Variants in DNAJC6 observed in about 807,000 individuals in gnomAD.
DNAJC6 encodes the protein auxilin.
Under a neutral mutation model 110.0 loss-of-function variants are expected in DNAJC6, and 34 were observed. The observed-to-expected ratio is 0.31, with a 90% CI of 0.24 to 0.41. The LOEUF is 0.41. Ranked by LOEUF, DNAJC6 falls within the 10% of genes least tolerant of loss-of-function variation. DNAJC6 has a pLI of 1.00. For synonymous variants in DNAJC6, 406 were observed against 437.2 expected, an observed-to-expected ratio of 0.93 and a Z score of 0.89; for missense variants, 1,031 against 1,207.8, an observed-to-expected ratio of 0.85 and a Z score of 2.17.
intron 4 of DNAJC6, among the ~76,000 whole-genome samples, chr1:65,373,822 T>G (rs993070192): frequency 6.6e-6 from 1 of 152,150 alleles, no homozygotes; most frequent in Admixed American, 6.5e-5. Flanking sequence ...TTTGGTTGTG[T>G]GTGCTTTTGA....
chr1:65,317,000 C>A (rs1645154847), intron 1 of DNAJC6, among the ~76,000 whole-genome samples: 1 of 151,856 alleles, frequency 6.6e-6, no homozygotes, highest in Non-Finnish European at 1.5e-5. Context: ...AGATGACTTT[C>A]ATCTATAGAT....
chr1:65,365,779 C>A, intron 2 of DNAJC6, 106 bp from the exon 3 acceptor site: 1 of 1,256,074 alleles, frequency 8.0e-7, no homozygotes, highest in Non-Finnish European at 1.1e-6. Context: ...CGAAACATGC[C>A]CCCTGGACAG....
chr1:65,287,857 GCCT>G (rs1236397087), intron 1 of DNAJC6, among the ~76,000 whole-genome samples: 1 of 152,122 alleles, frequency 6.6e-6, no homozygotes, highest in East Asian at 1.9e-4. Flanking sequence ...GCTTGCCTTG[GCCT>G]CCTAAAGTGT....
At chr1:65,276,580 T>C (rs80279152) in intron 1 of DNAJC6, among the ~76,000 whole-genome samples, 2,157 of 152,242 alleles carry the variant, frequency 0.014, 47 homozygotes, top group African/African-American at 0.05. Context: ...GAGATGTTTC[T>C]CACCACCCCT....
chr1:65,384,170 A>G, intron 5 of DNAJC6, 23 bp from the exon 6 acceptor site: 1 of 1,441,816 alleles, frequency 6.9e-7, no homozygotes, highest in East Asian at 2.7e-5. Context: ...GTTCATAATG[A>G]TTTTATGCAT....
Position 65,389,353 on chromosome 1 carries a change from T to C in DNAJC6, c.1291T>C (p.Leu431=), listed in dbSNP as rs1303960619. The change falls in exon 10 of 19, where the codon TTA becomes CTA. Residue 431 remains leucine (L), a synonymous_variant. Transcript: ENST00000371069. ...ELQPHDKVID[L]TPPWEHYCTK... ...ACAGCCCCATGACAAAGTAATAGACTTAACTCCACCATGGGAACATTACTG... is the reference window on the plus strand; with the variant it reads ...ACAGCCCCATGACAAAGTAATAGACCTAACTCCACCATGGGAACATTACTG... 1.9e-6 allele frequency: 3 copies of C among 1,614,174 alleles called. No individual in the cohort carries two copies. The East Asian group carries it at 6.7e-5, about 36-fold the overall frequency.
At chr1:65,281,959 C>T (rs958329883) in intron 1 of DNAJC6, among the ~76,000 whole-genome samples, 14 of 152,092 alleles carry the variant, frequency 9.2e-5, no homozygotes, top group Admixed American at 6.5e-4. Flanking sequence ...CAGAGTCTGG[C>T]CCAGTCACCA....
At position 65,392,771 on chromosome 1, in the gene DNAJC6, T is replaced by C. The variant is rs1313036183; in HGVS notation, c.1809T>C (p.Asp603=). 2 of 1,611,508 alleles carry C rather than the reference T, an allele frequency of 1.2e-6. No individual in the cohort carries two copies. Among genetic ancestry groups the C allele is most frequent in the East Asian group, 4.5e-5 (2 of 44,850 alleles). The change falls in exon 12 of 19, where the codon GAT becomes GAC. Residue 603 remains aspartate (D), a synonymous_variant. Transcript: ENST00000371069. The part of the protein sequence containing the change: ...PTQAGQSGVE[D]VFHPSGPAST... ...AGGCTGGACAGTCAGGAGTGGAAGA[T>C]GTGTTTCATCCTAGTGGACCTGCGT...
intron 1 of DNAJC6, among the ~76,000 whole-genome samples, chr1:65,345,053 C>T (rs925586823): frequency 6.6e-6 from 1 of 152,146 alleles, no homozygotes; most frequent in African/African-American, 2.4e-5. Flanking sequence ...ATGTAACAGA[C>T]AGTGAGTGGG....
intron 1 of DNAJC6, among the ~76,000 whole-genome samples, chr1:65,289,093 A>G (rs766092619): frequency 3.9e-5 from 6 of 152,198 alleles, no homozygotes; most frequent in Non-Finnish European, 7.3e-5. Context: ...ATACTGCCAA[A>G]CAGTTTTACA....
chr1:65,369,823 T>C (rs1470053399), intron 4 of DNAJC6, among the ~76,000 whole-genome samples: 1 of 152,214 alleles, frequency 6.6e-6, no homozygotes, highest in South Asian at 2.1e-4. Context: ...AGAAGCCACA[T>C]TGGTTGACAG....
chr1:65,307,567 C>A (rs1293358246), upstream of DNAJC6, among the ~76,000 whole-genome samples: 3 of 152,112 alleles, frequency 2.0e-5, no homozygotes, highest in Admixed American at 2.0e-4. Context: ...CAGTCTGTCA[C>A]TGAGGCTGGT....
chr1:65,285,645 T>C (rs1653992678), intron 1 of DNAJC6, among the ~76,000 whole-genome samples: 1 of 152,156 alleles, frequency 6.6e-6, no homozygotes, highest in South Asian at 2.1e-4. Context: ...TGATTGTTTT[T>C]TCATTTTCAG....
Position 65,413,340 on chromosome 1 carries a change from CCAT to C in DNAJC6, c.*316_*318del. On this transcript the variant is annotated 3_prime_UTR_variant, in exon 19 of 19. Coordinates refer to ENST00000371069, the MANE Select transcript of DNAJC6 (RefSeq NM_001256864.2). Reference sequence around the variant, plus strand: ...GGAAATGGAAAACAGAGGCCACCACCCATGAAGGCATAACACCCATCACATTGT... The same window carrying C: ...GGAAATGGAAAACAGAGGCCACCACCGAAGGCATAACACCCATCACATTGT... The C allele has an allele frequency of 2.6e-5, 7 of 264,362 alleles. No individual in the cohort carries two copies. Among genetic ancestry groups the C allele is most frequent in the South Asian group, 1.1e-4 (2 of 18,906 alleles). The allele number at this position is 264,362 out of a possible 1,614,324, so 16.4% of individuals were successfully genotyped here.
chr1:65,409,527 G>A (rs969609332), intron 17 of DNAJC6, among the ~76,000 whole-genome samples: 9 of 152,176 alleles, frequency 5.9e-5, no homozygotes, highest in South Asian at 2.1e-4. Context: ...GAATTTGCTG[G>A]TAAGAAGAAT....
At chr1:65,310,018 C>CT in intron 1 of DNAJC6, 80 bp downstream of exon 1, 1 of 1,367,136 alleles carries the variant, frequency 7.3e-7, no homozygotes, top group Non-Finnish European at 9.4e-7. Flanking sequence ...CGAGGCCCCC[C>CT]CGTGGTCCCC....
intron 1 of DNAJC6, among the ~76,000 whole-genome samples, chr1:65,300,865 C>T (rs369732913): frequency 6.6e-6 from 1 of 152,256 alleles, no homozygotes; most frequent in Admixed American, 6.5e-5. Flanking sequence ...TCTGCATCAC[C>T]ATCTTAGAGG....
In DNAJC6 at chr1:65,315,572, C is replaced by A. The variant is rs569870222; in HGVS notation, c.193+5634C>A. ...AATAAAATACAAATTCAAAGTTTAACCATGTTCATATATGTACATTGTTCA... is the reference window on the plus strand; with the variant it reads ...AATAAAATACAAATTCAAAGTTTAAACATGTTCATATATGTACATTGTTCA... On this transcript the variant is annotated intron_variant, in intron 1 of 18. Coordinates refer to ENST00000371069, the MANE Select transcript of DNAJC6 (RefSeq NM_001256864.2). Among the ~76,000 whole-genome samples the A allele has an allele frequency of 6.6e-5, 10 of 152,176 alleles. No homozygotes were observed. The South Asian group carries it at 2.1e-3, about 32-fold the overall frequency.
chr1:65,401,961 C>A lies in DNAJC6; in HGVS notation c.2227+81C>A, dbSNP rs558669117. On this transcript the variant is annotated intron_variant, in intron 15 of 18. Transcript: ENST00000371069. ...CAAATCTCAGTCTTTGGTGTTACAGCAAGCTGGTATTGTCACCTGGAACCT... is the reference window on the plus strand; with the variant it reads ...CAAATCTCAGTCTTTGGTGTTACAGAAAGCTGGTATTGTCACCTGGAACCT... 7 of 1,570,148 alleles carry A rather than the reference C, an allele frequency of 4.5e-6. No individual in the cohort carries two copies. The African/African-American group carries it at 6.9e-5, about 16-fold the overall frequency.
Sources: gnomAD v4.1 joint callset for allele counts (sites outside exome capture counted in the v4.1 genomes callset) on GRCh38, gnomAD v4.1.1 for gene constraint, MANE v1.5 for transcripts, NCBI Gene and HGNC (gene_info 2026-07-23, HGNC 2026-07-21) for gene names.